The following DICER1 variants were observed in gnomAD, a reference collection of about 807,000 sequenced individuals.
DICER1 encodes endoribonuclease Dicer.
In DICER1, 43 loss-of-function variants were observed where a neutral mutation model predicts 194.1. That is an observed-to-expected ratio of 0.22 (90% CI 0.17 to 0.29). The LOEUF is 0.29. DICER1 is among the 10% of genes least tolerant of loss of function. The probability of loss-of-function intolerance (pLI) is 1.00; values close to 1 mark genes in which losing one functional copy is unlikely to be tolerated. For synonymous variants in DICER1, 832 were observed against 820.5 expected (o/e 1.01, Z -0.24); for missense variants, 1,608 against 2,317.0 (o/e 0.69, Z 6.28).
Position 95,090,469 on chromosome 14 carries a change from T to C in DICER1, c.*29A>G. On this transcript the variant is annotated 3_prime_UTR_variant, in exon 27 of 27. Coordinates refer to ENST00000343455, the MANE Select transcript of DICER1 (RefSeq NM_177438.3). ...TTTCCCCTTAATTTTTTTTGTTTTGTTTCTTGTTTTGAATTTTAAAAAGCG... is the reference window on the plus strand; with the variant it reads ...TTTCCCCTTAATTTTTTTTGTTTTGCTTCTTGTTTTGAATTTTAAAAAGCG... 2 of 1,612,008 alleles carry C rather than the reference T, an allele frequency of 1.2e-6. No individual in the cohort carries two copies. The highest frequency in any genetic ancestry group is 1.7e-5 in the Admixed American group (1 of 60,030).
chr14:95,094,305 C>T (rs1275744755), intron 23 of DICER1, 149 bp from the exon 24 acceptor site: 9 of 1,028,716 alleles, frequency 8.7e-6, no homozygotes, highest in Non-Finnish European at 1.3e-5. Context: ...ACATATCATA[C>T]TAAAAAGCCT....
At position 95,096,023 on chromosome 14, in the gene DICER1, C is replaced by G; in HGVS notation, c.4897G>C (p.Val1633Leu). ...AASVASSRSS[V>L]LKDSEYGCLK... ...CAACCATATTCCGAGTCTTTCAATACAGAAGAGCGTGAACTGGCCACAGAA... is the reference window on the plus strand; with the variant it reads ...CAACCATATTCCGAGTCTTTCAATAGAGAAGAGCGTGAACTGGCCACAGAA... The change falls in exon 23 of 27, where the codon GTA becomes CTA. Residue 1633 changes from valine (V) to leucine (L), a missense_variant. Physicochemically the swap from Val to Leu is conservative, Grantham distance 32 (BLOSUM62 1). Coordinates refer to ENST00000343455, the MANE Select transcript of DICER1 (RefSeq NM_177438.3). The G allele has an allele frequency of 1.2e-6, 2 of 1,614,230 alleles. No individual in the cohort carries two copies. Among genetic ancestry groups the G allele is most frequent in the Non-Finnish European group, 1.7e-6 (2 of 1,180,034 alleles).
intron 14 of DICER1, among the ~76,000 whole-genome samples, chr14:95,110,916 G>C (rs1891896649): frequency 6.6e-6 from 1 of 152,114 alleles, no homozygotes; most frequent in South Asian, 2.1e-4. Context: ...GTCATCTTGA[G>C]AGGGCATCTT....
intron 6 of DICER1, 110 bp from the exon 7 acceptor site, chr14:95,126,858 A>C: frequency 1.4e-6 from 1 of 715,916 alleles, no homozygotes; most frequent in Admixed American, 2.6e-5. Context: ...CTAAAAAAAA[A>C]AAAAAATGCC....
chr14:95,096,144 C>A lies in DICER1; in HGVS notation c.4776G>T (p.Pro1592=), dbSNP rs781007779. ...TTTCCCGATCAGTCCTTTTAATTAC[C>A]GGGAGCACCTTCAGCCCCAGTGAAC... ...FLCSLGLKVL[P]VIKRTDREKA... The change falls in exon 23 of 27, where the codon CCG becomes CCT. Residue 1592 remains proline, a synonymous_variant. Coordinates refer to ENST00000343455, the MANE Select transcript of DICER1 (RefSeq NM_177438.3). 4.2e-5 allele frequency: 67 copies of A among 1,614,040 alleles called. No individual in the cohort carries two copies. The highest frequency in any genetic ancestry group is 5.5e-5 in the Non-Finnish European group (65 of 1,180,040).
chr14:95,150,964 A>G (rs1290783676), intron 1 of DICER1, among the ~76,000 whole-genome samples: 1 of 152,198 alleles, frequency 6.6e-6, no homozygotes, highest in African/African-American at 2.4e-5. Context: ...CTTAGGTTCT[A>G]GAGATCCTCC....
At chr14:95,157,802 T>G (rs1338102663), upstream of DICER1, 1 of 152,282 alleles carries the variant, frequency 6.6e-6, no homozygotes, top group Non-Finnish European at 1.5e-5. Flanking sequence ...TGGCAGACTC[T>G]CTGAGCTCTC....
In DICER1 at chr14:95,089,951, G is replaced by A. The variant is rs1193297859; in HGVS notation, c.*547C>T. 3 of 234,674 alleles carry A rather than the reference G, an allele frequency of 1.3e-5. No homozygotes were observed. Among genetic ancestry groups the A allele is most frequent in the Non-Finnish European group, 1.7e-5 (2 of 118,908 alleles). The allele number at this position is 234,674 out of a possible 1,614,324, so 14.5% of individuals were successfully genotyped here. A position where few individuals can be genotyped will look rare whatever the true frequency, so the allele number is the denominator to read the frequency against. On this transcript the variant is annotated 3_prime_UTR_variant, in exon 27 of 27. Transcript: ENST00000343455. Reference sequence around the variant, plus strand: ...GTCCCTTACTATCAGGTGCAACAGCGACCGGGAACATCACCTTACACAGTA... The same window carrying A: ...GTCCCTTACTATCAGGTGCAACAGCAACCGGGAACATCACCTTACACAGTA...
rs778284198 is a variant in DICER1 at position 95,111,364 on chromosome 14, G to A, written c.2209C>T (p.Pro737Ser). The A allele has an allele frequency of 1.2e-6, 2 of 1,614,132 alleles. No homozygotes were observed. The highest frequency in any genetic ancestry group is 1.7e-6 in the Non-Finnish European group (2 of 1,179,984). ...DLHDEEETSV[P>S]GRPGSTKRRQ... ...CGTTTCGTGGAACCTGGTCTTCCTGGAACACTGGTCTCTTCTTCATCATGC... is the reference window on the plus strand; with the variant it reads ...CGTTTCGTGGAACCTGGTCTTCCTGAAACACTGGTCTCTTCTTCATCATGC... The change falls in exon 14 of 27, where the codon CCA becomes TCA. Residue 737 changes from proline to serine, a missense_variant. This residue lies in a region of DICER1 where 657 missense variants were observed against 910.1 expected (regional missense o/e 0.72). Coordinates refer to ENST00000343455, the MANE Select transcript of DICER1 (RefSeq NM_177438.3).
chr14:95,095,550 A>G, intron 23 of DICER1: 1 of 456,146 alleles, frequency 2.2e-6, no homozygotes, highest in Non-Finnish European at 4.0e-6. Context: ...ACATCAAAAT[A>G]CTAAGGTTAA....
chr14:95,145,601 A>T (rs1321159233), intron 1 of DICER1, among the ~76,000 whole-genome samples: 20 of 152,170 alleles, frequency 1.3e-4, no homozygotes, highest in Admixed American at 1.2e-3. Context: ...TATTTCAAGG[A>T]TTTATCAACT....
intron 10 of DICER1, among the ~76,000 whole-genome samples, chr14:95,116,058 GACACACACACACACAC>G (rs150390018): frequency 7.0e-6 from 1 of 142,952 alleles, no homozygotes; most frequent in East Asian, 2.1e-4. Context: ...TGCCTACACA[GACACACACACACACAC>G]ACACACACAC....
rs373570596 is a variant in DICER1 at position 95,124,188 on chromosome 14, A to T, written c.1376+8T>A. 4 of 1,605,160 alleles carry T rather than the reference A, an allele frequency of 2.5e-6. No individual in the cohort carries two copies. The highest frequency in any genetic ancestry group is 3.4e-6 in the Non-Finnish European group (4 of 1,172,808). On this transcript the variant is annotated splice_region_variant and intron_variant, in intron 8 of 26. Coordinates refer to ENST00000343455, the MANE Select transcript of DICER1 (RefSeq NM_177438.3). The surrounding 1 kb of genome is among the most constrained non-coding windows in gnomAD (Gnocchi z 4.5). Reference sequence around the variant, plus strand: ...TCTCATGTGAAAGGAGTCAACTTACAGATTTACCTGTTTAAGACAACTGCT... The same window carrying T: ...TCTCATGTGAAAGGAGTCAACTTACTGATTTACCTGTTTAAGACAACTGCT...
chr14:95,136,726 G>A (rs1894402978), intron 1 of DICER1: 1 of 152,186 alleles, frequency 6.6e-6, no homozygotes, highest in Admixed American at 6.5e-5. Flanking sequence ...CTCTAAAGAT[G>A]ACTCATGAAA....
chr14:95,132,797 T>C, intron 2 of DICER1, 120 bp from the exon 3 acceptor site: 3 of 994,694 alleles, frequency 3.0e-6, no homozygotes, highest in East Asian at 5.2e-5. Context: ...CCAATAAATT[T>C]ACAAAAAAAA....
intron 1 of DICER1, among the ~76,000 whole-genome samples, chr14:95,150,206 G>A (rs146597919): frequency 1.1e-3 from 174 of 152,290 alleles, no homozygotes; most frequent in African/African-American, 3.9e-3. Context: ...TTTGTAGGCC[G>A]GGCACGGTGG....
chr14:95,125,358 C>T (rs571183371), intron 7 of DICER1, among the ~76,000 whole-genome samples: 2 of 151,490 alleles, frequency 1.3e-5, no homozygotes, highest in South Asian at 4.2e-4. Context: ...GAAAACACCA[C>T]CACAAGGTCA....
In DICER1 at chr14:95,109,592, A is replaced by C. The variant is rs563967562; in HGVS notation, c.2257-1089T>G. Among the ~76,000 whole-genome samples the C allele has an allele frequency of 4.6e-5, 7 of 152,352 alleles. No homozygotes were observed. In the South Asian group the frequency reaches 1.2e-3, roughly 27 times the overall value. ...GACTTTATCACATGAAACTAGTCTCACGTGAAAATTTGGTATGAGGAAAAC... is the reference window on the plus strand; with the variant it reads ...GACTTTATCACATGAAACTAGTCTCCCGTGAAAATTTGGTATGAGGAAAAC... On this transcript the variant is annotated intron_variant, in intron 14 of 26. Transcript: ENST00000343455.
intron 4 of DICER1, 109 bp downstream of exon 4, chr14:95,131,400 G>C (rs1052486678): frequency 9.7e-7 from 1 of 1,029,048 alleles, no homozygotes; most frequent in Non-Finnish European, 1.5e-6. Flanking sequence ...TTAAGTATAG[G>C]AAATTAGTTT....
Sources: gnomAD v4.1 joint callset for allele counts (sites outside exome capture counted in the v4.1 genomes callset) on GRCh38, gnomAD v4.1.1 for gene constraint, gnomAD v4.1.1 regional missense constraint, Gnocchi (gnomAD v3.1) non-coding constraint, MANE v1.5 for transcripts, NCBI Gene and HGNC (gene_info 2026-07-23, HGNC 2026-07-21) for gene names.